Variants in CECR2 observed in about 807,000 individuals in gnomAD.
CECR2 encodes the protein chromatin remodeling regulator CECR2.
CECR2 carries 30 observed loss-of-function variants against 154.5 expected under a neutral mutation model. The ratio of observed to expected loss-of-function variants is 0.19; its 90% CI spans 0.15 to 0.26. The LOEUF is 0.26. CECR2 is among the 10% of genes least tolerant of loss of function. CECR2 has a pLI of 1.00. For missense variants in CECR2, 1,743 were observed against 1,829.3 expected (o/e 0.95, Z 0.86); for synonymous variants, 725 against 683.7 (o/e 1.06, Z -0.94).
At chr22:17,546,536 T>A (rs1358582297) in intron 16 of CECR2, among the ~76,000 whole-genome samples, 2 of 150,890 alleles carry the variant, frequency 1.3e-5, no homozygotes, top group Non-Finnish European at 3.0e-5. Flanking sequence ...AGTTGCTAAG[T>A]TTAATGTTGG....
At chr22:17,382,913 C>T (rs746007872) in intron 1 of CECR2, among the ~76,000 whole-genome samples, 3 of 150,130 alleles carry the variant, frequency 2.0e-5, no homozygotes, top group Non-Finnish European at 4.4e-5. Context: ...ACAAACACAA[C>T]AAAACAACTA....
At chr22:17,371,964 A>T (rs1361642979) in intron 1 of CECR2, among the ~76,000 whole-genome samples, 4 of 152,206 alleles carry the variant, frequency 2.6e-5, no homozygotes, top group African/African-American at 9.6e-5. Context: ...AAGGAAATGT[A>T]AACTGATTAA....
intron 1 of CECR2, among the ~76,000 whole-genome samples, chr22:17,384,281 G>A (rs562086038): frequency 8.5e-5 from 13 of 152,206 alleles, no homozygotes; most frequent in African/African-American, 1.7e-4. Flanking sequence ...ATGGGGTCTC[G>A]CTGTGTTGCC....
At chr22:17,431,782 G>T (rs540945770) in intron 1 of CECR2, among the ~76,000 whole-genome samples, 2 of 92,766 alleles carry the variant, frequency 2.2e-5, no homozygotes, top group African/African-American at 5.3e-5. Flanking sequence ...TTTTTTTTTG[G>T]GAGGGGCGCG....
intron 9 of CECR2, among the ~76,000 whole-genome samples, chr22:17,529,560 C>T (rs919415753): frequency 1.8e-4 from 28 of 151,660 alleles, no homozygotes; most frequent in African/African-American, 5.6e-4. Flanking sequence ...ATTAGCCAGG[C>T]GTGGTGGCAC....
At chr22:17,419,708 C>CTGTTTCCTCCTTCGTAGGGTGCTGT in intron 1 of CECR2, 1 of 302,672 alleles carries the variant, frequency 3.3e-6, no homozygotes, top group Non-Finnish European at 6.8e-6. Context: ...CGAGCTGGAG[C>CTGTTTCCTCCTTCGTAGGGTGCTGT]TAGAGAGCTG....
At chr22:17,366,354 A>AT (rs1452377514), upstream of CECR2, among the ~76,000 whole-genome samples, 1 of 152,024 alleles carries the variant, frequency 6.6e-6, no homozygotes, top group Non-Finnish European at 1.5e-5. Flanking sequence ...CGCCCAGCTA[A>AT]TTTTTTGTAT....
chr22:17,435,708 A>AAC (rs1555909255), intron 1 of CECR2, among the ~76,000 whole-genome samples: 7 of 144,778 alleles, frequency 4.8e-5, no homozygotes, highest in African/African-American at 2.0e-4. Context: ...AAAAAAAAAA[A>AAC]AACAGGAGCA....
At chr22:17,518,460 C>T (rs114133693) in intron 8 of CECR2, among the ~76,000 whole-genome samples, 2,714 of 152,264 alleles carry the variant, frequency 0.018, 85 homozygotes, top group African/African-American at 0.062. Flanking sequence ...GGTAATGTTT[C>T]CTGGCTCCAG....
intron 2 of CECR2, among the ~76,000 whole-genome samples, chr22:17,488,172 C>T (rs544757616): frequency 1.1e-4 from 16 of 152,252 alleles, no homozygotes; most frequent in African/African-American, 3.1e-4. Context: ...CGTGAGCCAC[C>T]GCACCCGGCC....
chr22:17,445,485 T>C (rs1240149161), intron 1 of CECR2, among the ~76,000 whole-genome samples: 1 of 151,826 alleles, frequency 6.6e-6, no homozygotes, highest in East Asian at 1.9e-4. Context: ...GATGCTCAAT[T>C]TCCTTATATA....
rs2056735925 is a variant in CECR2, at chr22:17,553,261, T to G, written c.*421T>G. ...TTGGGGAAGGGACTACTCTTAGTAT[T>G]AATGGTTTTGGAGCTGGGTCCAGTT... On this transcript the variant is annotated 3_prime_UTR_variant, in exon 19 of 19. Transcript: ENST00000262608. 1 of 157,644 alleles carries G rather than the reference T, an allele frequency of 6.3e-6. No homozygotes were observed. Among genetic ancestry groups the G allele is most frequent in the Non-Finnish European group, 1.4e-5 (1 of 72,170 alleles). 9.8% of individuals were successfully genotyped at this position (157,644 alleles called of 1,614,324 possible).
chr22:17,477,785 G>C, intron 2 of CECR2, 103 bp downstream of exon 2: 1 of 807,338 alleles, frequency 1.2e-6, no homozygotes. Flanking sequence ...CCGATCATTA[G>C]GCATCACGGG....
chr22:17,403,169 T>G (rs2053923343), intron 1 of CECR2, among the ~76,000 whole-genome samples: 1 of 152,242 alleles, frequency 6.6e-6, no homozygotes, highest in Non-Finnish European at 1.5e-5. Context: ...TGGGTTTGAA[T>G]CTAATACTGT....
chr22:17,373,550 C>T (rs1200856669), intron 1 of CECR2, among the ~76,000 whole-genome samples: 1 of 152,154 alleles, frequency 6.6e-6, no homozygotes, highest in Non-Finnish European at 1.5e-5. Flanking sequence ...CTTAGAAATT[C>T]CTAAATATGC....
rs563437089 is a variant in CECR2, at chr22:17,517,465, G to A, written c.954+5569G>A. On this transcript the variant is annotated intron_variant, in intron 8 of 18. Transcript: ENST00000262608. ...ATCATTTCTACCACTGATACCACAG[G>A]TTAAGTTATATATTATGCCATCTTC... Among the ~76,000 whole-genome samples the A allele has an allele frequency of 5.9e-5, 9 of 152,292 alleles. No individual in the cohort carries two copies. In the South Asian group the frequency reaches 8.3e-4, roughly 14 times the overall value.
At chr22:17,363,041 CCTT>C (rs1456412483) in intron 1 of CECR2, among the ~76,000 whole-genome samples, 3 of 139,124 alleles carry the variant, frequency 2.2e-5, no homozygotes, top group Admixed American at 7.5e-5. Flanking sequence ...TTAGCCATTT[CCTT>C]CTTCTTTTTT....
At position 17,505,534 on chromosome 22, in the gene CECR2, C is replaced by CTTTTTTT. The variant is rs11387639; in HGVS notation, c.870+535_870+541dup. On this transcript the variant is annotated intron_variant, in intron 7 of 18. Coordinates refer to ENST00000262608, the MANE Select transcript of CECR2 (RefSeq NM_001290047.2). ...TCAAACATCCTTCATCCTCTTTTTCCTTTTTTTTTTTTTTTTTTTTTTTGA... is the reference window on the plus strand; with the variant it reads ...TCAAACATCCTTCATCCTCTTTTTCCTTTTTTTTTTTTTTTTTTTTTTTTTTTTTTGA... Among the ~76,000 whole-genome samples the CTTTTTTT allele has an allele frequency of 2.2e-3, 214 of 98,830 alleles. 3 individuals are homozygous for CTTTTTTT. Among genetic ancestry groups the CTTTTTTT allele is most frequent in the African/African-American group, 7.2e-3 (172 of 24,038 alleles). 64.8% of individuals were successfully genotyped at this position (98,830 alleles called of 152,430 possible).
At chr22:17,464,676 T>C (rs2054997567) in intron 1 of CECR2, among the ~76,000 whole-genome samples, 1 of 152,098 alleles carries the variant, frequency 6.6e-6, no homozygotes, top group South Asian at 2.1e-4. Flanking sequence ...ATTAAAAAAA[T>C]TTCTTTGTAG....
Sources: gnomAD v4.1 joint callset for allele counts (sites outside exome capture counted in the v4.1 genomes callset) on GRCh38, gnomAD v4.1.1 for gene constraint, MANE v1.5 for transcripts, NCBI Gene and HGNC (gene_info 2026-07-23, HGNC 2026-07-21) for gene names.